The following FAM53A variants were observed in gnomAD, a reference collection of about 807,000 sequenced individuals.
The protein encoded by FAM53A is protein FAM53A.
In FAM53A, 28 loss-of-function variants were observed where a neutral mutation model predicts 26.6. The ratio of observed to expected loss-of-function variants is 1.05; its 90% confidence interval spans 0.78 to 1.45. The LOEUF (loss-of-function observed/expected upper bound fraction) is 1.45, where lower values mean the gene tolerates loss of function less well. Among genes scored for constraint, FAM53A ranks in the 40% most tolerant of loss-of-function variants. The pLI, the probability that FAM53A is intolerant of heterozygous loss-of-function variation, is 0.00. For synonymous variants in FAM53A, 290 were observed against 253.1 expected (o/e 1.15, Z -1.38); for missense variants, 650 against 575.8 (o/e 1.13, Z -1.32).
intron 1 of FAM53A, among the ~76,000 whole-genome samples, chr4:1,678,409 G>C (rs1280976795): frequency 6.6e-6 from 1 of 152,210 alleles, no homozygotes; most frequent in Non-Finnish European, 1.5e-5. Context: ...AGGCAGAACA[G>C]AGAGCCCAGA....
chr4:1,614,808 A>G (rs764080800), downstream of FAM53A, among the ~76,000 whole-genome samples: 32 of 152,274 alleles, frequency 2.1e-4, no homozygotes, highest in Non-Finnish European at 3.4e-4. Context: ...CCTTAACATC[A>G]AGCTCACAGC....
intron 3 of FAM53A, 83 bp from the exon 4 acceptor site, chr4:1,655,806 CAG>C (rs1199299549): frequency 7.0e-7 from 1 of 1,420,920 alleles, no homozygotes; most frequent in Non-Finnish European, 9.2e-7. Context: ...AACAGCCTGG[CAG>C]AGCTGTCAAG....
chr4:1,641,697 G>A, intron 4 of FAM53A, 90 bp from the exon 5 acceptor site: 2 of 1,372,038 alleles, frequency 1.5e-6, no homozygotes, highest in Admixed American at 1.7e-5. Context: ...TCGGTGTGCT[G>A]GGGCTCTGGC....
At chr4:1,660,525 G>T (rs1299987381) in intron 2 of FAM53A, among the ~76,000 whole-genome samples, 1 of 151,468 alleles carries the variant, frequency 6.6e-6, no homozygotes, top group East Asian at 2.0e-4. Context: ...GGAGGCCAAG[G>T]CTGCAGCGAA....
At chr4:1,675,557 T>C (rs1384337864) in intron 1 of FAM53A, among the ~76,000 whole-genome samples, 2 of 152,150 alleles carry the variant, frequency 1.3e-5, no homozygotes, top group African/African-American at 4.8e-5. Context: ...CCCTTCCTTG[T>C]AACTGCACTG....
chr4:1,680,492 T>A (rs1251962269), intron 1 of FAM53A, among the ~76,000 whole-genome samples: 2 of 152,086 alleles, frequency 1.3e-5, no homozygotes, highest in East Asian at 3.9e-4. Flanking sequence ...CCAAAGGAAC[T>A]AAAAACTTAT....
At chr4:1,654,008 G>A (rs1037014200) in intron 4 of FAM53A, among the ~76,000 whole-genome samples, 2 of 152,230 alleles carry the variant, frequency 1.3e-5, no homozygotes, top group Non-Finnish European at 2.9e-5. Context: ...GGCAGGGCAT[G>A]GGCAAGCCTG....
At chr4:1,683,559 C>A (rs912358150) in intron 1 of FAM53A, 1 of 152,240 alleles carries the variant, frequency 6.6e-6, no homozygotes, top group African/African-American at 2.4e-5. Flanking sequence ...CAAACTCATC[C>A]ATCCGTACTG....
chr4:1,588,733 C>G, the FAM53A span, among the ~76,000 whole-genome samples: 1 of 152,200 alleles, frequency 6.6e-6, no homozygotes, highest in African/African-American at 2.4e-5. Flanking sequence ...AACTTAGCTG[C>G]TCCCAAGTGC....
chr4:1,652,891 C>T (rs1188381657), intron 4 of FAM53A, among the ~76,000 whole-genome samples: 1 of 148,450 alleles, frequency 6.7e-6, no homozygotes, highest in Non-Finnish European at 1.5e-5. Context: ...ACACATACCA[C>T]AGACACCACA....
chr4:1,666,739 C>T (rs1196075570), intron 2 of FAM53A, among the ~76,000 whole-genome samples: 2 of 152,274 alleles, frequency 1.3e-5, no homozygotes, highest in African/African-American at 2.4e-5. Flanking sequence ...CAGTGGCTCA[C>T]GCCTGTAATC....
Position 1,655,008 on chromosome 4 carries a change from G to C in FAM53A, c.852C>G (p.Arg284=). 1 of 1,549,214 alleles carries C rather than the reference G, an allele frequency of 6.5e-7. No individual in the cohort carries two copies. Among genetic ancestry groups the C allele is most frequent in the Non-Finnish European group, 8.7e-7 (1 of 1,148,606 alleles). ...TCATTTTCAGGAAGTCCAAGGATGGGCGTGTCCACCTGGCGTCCTCCTCAC... is the reference window on the plus strand; with the variant it reads ...TCATTTTCAGGAAGTCCAAGGATGGCCGTGTCCACCTGGCGTCCTCCTCAC... ...RRREEDARWT[R]PSLDFLKMTQ... The change falls in exon 4 of 5, where the codon CGC becomes CGG. Residue 284 remains arginine (R), a synonymous_variant. Transcript: ENST00000308132.
intron 4 of FAM53A, among the ~76,000 whole-genome samples, chr4:1,649,965 ACTGTGAGGTGGCACAGGCG>A: frequency 1.4e-5 from 1 of 70,138 alleles, no homozygotes; most frequent in Non-Finnish European, 2.7e-5. Flanking sequence ...GTGGCGTTTG[ACTGTGAGGTGGCACAGGCG>A]TGGCGTTTGA....
At chr4:1,645,449 C>CT (rs1288170470) in intron 4 of FAM53A, among the ~76,000 whole-genome samples, 6 of 152,242 alleles carry the variant, frequency 3.9e-5, no homozygotes, top group Non-Finnish European at 8.8e-5. Flanking sequence ...CATGAAAAAA[C>CT]TGGCTGAGTG....
the FAM53A span, among the ~76,000 whole-genome samples, chr4:1,605,600 G>A: frequency 6.6e-6 from 1 of 150,722 alleles, no homozygotes; most frequent in Non-Finnish European, 1.5e-5. This position sits in a 1 kb window ranked among gnomAD's most constrained non-coding sequence, Gnocchi z 5.7. Flanking sequence ...TCCTCTCCCT[G>A]CGGGTCCAGG....
chr4:1,611,658 C>T, the FAM53A span, among the ~76,000 whole-genome samples: 22 of 152,350 alleles, frequency 1.4e-4, no homozygotes, highest in South Asian at 2.5e-3. Context: ...GAGGCGCCTC[C>T]GTGGGGGCCC....
chr4:1,672,748 AC>A, intron 1 of FAM53A, among the ~76,000 whole-genome samples: 1 of 145,518 alleles, frequency 6.9e-6, no homozygotes, highest in East Asian at 2.0e-4. Flanking sequence ...AAACACAGGA[AC>A]CTGAATTTCC....
the FAM53A span, among the ~76,000 whole-genome samples, chr4:1,585,933 C>G: frequency 6.6e-6 from 1 of 152,248 alleles, no homozygotes; most frequent in South Asian, 2.1e-4. Flanking sequence ...GACAGGGTTT[C>G]ACCATGTTGC....
At chr4:1,676,957 C>A (rs1487377002) in intron 1 of FAM53A, among the ~76,000 whole-genome samples, 2 of 152,182 alleles carry the variant, frequency 1.3e-5, no homozygotes, top group African/African-American at 4.8e-5. Context: ...ATCTCCCCAG[C>A]AGATTTATAA....
Sources: gnomAD v4.1 joint callset for allele counts (sites outside exome capture counted in the v4.1 genomes callset) on GRCh38, gnomAD v4.1.1 for gene constraint, Gnocchi (gnomAD v3.1) non-coding constraint, MANE v1.5 for transcripts, NCBI Gene and HGNC (gene_info 2026-07-23, HGNC 2026-07-21) for gene names.